The following CCKBR variants were observed in gnomAD, a reference collection of about 807,000 sequenced individuals.
CCKBR encodes gastrin/cholecystokinin type B receptor.
Under a neutral mutation model 34.6 loss-of-function variants are expected in CCKBR, and 33 were observed. The ratio of observed to expected loss-of-function variants is 0.95; its 90% CI spans 0.72 to 1.27. The LOEUF (loss-of-function observed/expected upper bound fraction) is 1.27, where lower values mean the gene tolerates loss of function less well. Among genes scored for constraint, CCKBR ranks in the 50% most tolerant of loss-of-function variants. The pLI is 0.00. For missense variants in CCKBR, 652 were observed against 617.4 expected, an observed-to-expected ratio of 1.06 and a Z score of -0.59; for synonymous variants, 269 against 267.5, an observed-to-expected ratio of 1.01 and a Z score of -0.06.
rs915967567 is a variant in CCKBR, at chr11:6,259,927, C to A, written c.-2C>A. On this transcript the variant is annotated 5_prime_UTR_variant, in exon 1 of 5. Transcript: ENST00000334619. Reference sequence around the variant, plus strand: ...AGTAAGGCGGCGGGCTCGGCGGGGGCCATGGAGCTGCTAAAGCTGAACCGG... The same window carrying A: ...AGTAAGGCGGCGGGCTCGGCGGGGGACATGGAGCTGCTAAAGCTGAACCGG... 1 of 1,445,100 alleles carries A rather than the reference C, an allele frequency of 6.9e-7. No homozygotes were observed. The allele number at this position is 1,445,100 out of a possible 1,614,324, so 89.5% of individuals were successfully genotyped here. A position where few individuals can be genotyped will look rare whatever the true frequency, so the allele number is the denominator to read the frequency against.
intron 3 of CCKBR, 53 bp downstream of exon 3, chr11:6,270,390 G>A: frequency 6.4e-7 from 1 of 1,567,110 alleles, no homozygotes; most frequent in Non-Finnish European, 8.7e-7. Flanking sequence ...CCTATTAGAT[G>A]CTTACGACCA....
At chr11:6,264,518 C>T (rs1400449318) in intron 1 of CCKBR, 1 of 700,222 alleles carries the variant, frequency 1.4e-6, no homozygotes, top group Admixed American at 2.0e-5. Flanking sequence ...AAGAACTGAA[C>T]TGTCCCAATC....
In CCKBR at chr11:6,259,910, G is replaced by T; in HGVS notation, c.-19G>T. The T allele has an allele frequency of 1.4e-6, 2 of 1,427,476 alleles. No individual in the cohort carries two copies. Among genetic ancestry groups the T allele is most frequent in the Non-Finnish European group, 1.8e-6 (2 of 1,093,502 alleles). 88.4% of individuals were successfully genotyped at this position (1,427,476 alleles called of 1,614,324 possible). Reference sequence around the variant, plus strand: ...CCCGCCGGGTCGAGCTGAGTAAGGCGGCGGGCTCGGCGGGGGCCATGGAGC... The same window carrying T: ...CCCGCCGGGTCGAGCTGAGTAAGGCTGCGGGCTCGGCGGGGGCCATGGAGC... On this transcript the variant is annotated 5_prime_UTR_variant, in exon 1 of 5. Transcript: ENST00000334619.
chr11:6,262,398 T>A (rs111694941), intron 1 of CCKBR, among the ~76,000 whole-genome samples: 2,097 of 152,186 alleles, frequency 0.014, 49 homozygotes, highest in African/African-American at 0.047. Context: ...GAGATTCAGA[T>A]GAAACCATCA....
At chr11:6,266,382 A>G (rs1035773798) in intron 1 of CCKBR, among the ~76,000 whole-genome samples, 10 of 152,100 alleles carry the variant, frequency 6.6e-5, no homozygotes, top group African/African-American at 9.7e-5. Flanking sequence ...CTAGCTACTC[A>G]GGAGGCTGAG....
At chr11:6,265,690 A>T (rs2133899085) in intron 1 of CCKBR, among the ~76,000 whole-genome samples, 1 of 151,948 alleles carries the variant, frequency 6.6e-6, no homozygotes, top group East Asian at 1.9e-4. Context: ...ATACACACTT[A>T]CTCCCCTCAA....
At chr11:6,269,638 C>G (rs768552813) in intron 1 of CCKBR, 31 bp from the exon 2 acceptor site, 2 of 1,605,636 alleles carry the variant, frequency 1.2e-6, no homozygotes, top group Middle Eastern at 1.7e-4. Context: ...AGGCTGACCC[C>G]CTACTGCCAC....
chr11:6,260,096 G>C lies in CCKBR; in HGVS notation c.151+17G>C. Reference sequence around the variant, plus strand: ...GGACACGAGGTGGGTGCCTCCCTCAGCCCCCCCCACAAGCTATTTCTCACT... The same window carrying C: ...GGACACGAGGTGGGTGCCTCCCTCACCCCCCCCCACAAGCTATTTCTCACT... On this transcript the variant is annotated intron_variant, in intron 1 of 4. Transcript: ENST00000334619. 2 of 1,567,984 alleles carry C rather than the reference G, an allele frequency of 1.3e-6. No individual in the cohort carries two copies. Among genetic ancestry groups the C allele is most frequent in the East Asian group, 2.4e-5 (1 of 41,270 alleles).
chr11:6,267,001 G>A (rs1202876469), intron 1 of CCKBR, among the ~76,000 whole-genome samples: 3 of 152,138 alleles, frequency 2.0e-5, no homozygotes, highest in Non-Finnish European at 4.4e-5. Flanking sequence ...AAGGTACAGT[G>A]AAAATACAGC....
intron 1 of CCKBR, among the ~76,000 whole-genome samples, chr11:6,262,937 G>A (rs1467787776): frequency 2.0e-5 from 3 of 152,288 alleles, no homozygotes; most frequent in South Asian, 2.1e-4. Context: ...CTGTGAAAGC[G>A]GGATGTGACG....
At position 6,271,656 on chromosome 11, in the gene CCKBR, C is replaced by G. The variant is rs1848320051; in HGVS notation, c.*113C>G. 9.6e-7 allele frequency: 1 copy of G among 1,044,300 alleles called. No homozygotes were observed. The highest frequency in any genetic ancestry group is 1.4e-6 in the Non-Finnish European group (1 of 737,804). The allele number at this position is 1,044,300 out of a possible 1,614,324, so 64.7% of individuals were successfully genotyped here. The stretch of plus-strand genomic sequence containing the variant: ...AGGAAACCAACACCCAAAGCATGGA[C>G]TAACCCCAACGCACAGGAAAAGGTA... On this transcript the variant is annotated 3_prime_UTR_variant, in exon 5 of 5. Coordinates refer to ENST00000334619, the MANE Select transcript of CCKBR (RefSeq NM_176875.4).
intron 1 of CCKBR, chr11:6,264,744 C>CACACACGCACACAT: frequency 2.1e-6 from 1 of 480,870 alleles, no homozygotes; most frequent in Non-Finnish European, 3.7e-6. Context: ...CACACACACA[C>CACACACGCACACAT]GCATACAAGT....
chr11:6,271,589 C>A lies in CCKBR; in HGVS notation c.*46C>A. 2.0e-6 allele frequency: 3 copies of A among 1,505,036 alleles called. No individual in the cohort carries two copies. 93.2% of individuals were successfully genotyped at this position (1,505,036 alleles called of 1,614,324 possible). A position where few individuals can be genotyped will look rare whatever the true frequency, so the allele number is the denominator to read the frequency against. On this transcript the variant is annotated 3_prime_UTR_variant, in exon 5 of 5. Coordinates refer to ENST00000334619, the MANE Select transcript of CCKBR (RefSeq NM_176875.4). Reference sequence around the variant, plus strand: ...GTTGAGGCAGGGCAAATGACATGCACTGACCCTTCCAGACATACGAAACAC... The same window carrying A: ...GTTGAGGCAGGGCAAATGACATGCAATGACCCTTCCAGACATACGAAACAC...
At position 6,271,201 on chromosome 11, in the gene CCKBR, G is replaced by T; in HGVS notation, c.1002G>T (p.Met334Ile). Residue 334 changes from methionine (M) to isoleucine (I), a missense_variant, in exon 5 of 5, where the codon ATG (methionine) becomes ATT (isoleucine). Coordinates refer to ENST00000334619, the MANE Select transcript of CCKBR (RefSeq NM_176875.4). ...TGGCTAAGAAGCGCGTGGTGCGAAT[G>T]TTGCTGGTGATCGTTGTGCTTTTTT... is the stretch of plus-strand genomic sequence containing the variant. ...KLLAKKRVVR[M>I]LLVIVVLFFL... 6.2e-7 allele frequency: 1 copy of T among 1,614,186 alleles called. No individual in the cohort carries two copies. Among genetic ancestry groups the T allele is most frequent in the Non-Finnish European group, 8.5e-7 (1 of 1,180,038 alleles).
At chr11:6,262,915 A>G (rs1848158632) in intron 1 of CCKBR, among the ~76,000 whole-genome samples, 1 of 152,220 alleles carries the variant, frequency 6.6e-6, no homozygotes, top group Admixed American at 6.5e-5. Context: ...GATAGTCAAT[A>G]GAGAAGATTC....
chr11:6,271,063 A>G lies in CCKBR; in HGVS notation c.864A>G (p.Glu288=). The change falls in exon 5 of 5, where the codon GAA becomes GAG. Residue 288 remains glutamate, a synonymous_variant. Transcript: ENST00000334619. ...RCRPETGAVG[E]DSDGCYVQLP... is the part of the protein sequence containing the mutation. ...GGCCTGAGACTGGCGCGGTTGGCGA[A>G]GACAGCGATGGCTGCTACGTGCAAC... 2 of 1,614,192 alleles carry G rather than the reference A, an allele frequency of 1.2e-6. No individual in the cohort carries two copies. Among genetic ancestry groups the G allele is most frequent in the South Asian group, 2.2e-5 (2 of 91,082 alleles).
At chr11:6,262,624 G>A (rs191501430) in intron 1 of CCKBR, among the ~76,000 whole-genome samples, 1 of 151,328 alleles carries the variant, frequency 6.6e-6, no homozygotes, top group African/African-American at 2.4e-5. Flanking sequence ...GTGAGAGAAG[G>A]AGTTATGAGA....
At position 6,271,133 on chromosome 11, in the gene CCKBR, C is replaced by T. The variant is rs1259633736; in HGVS notation, c.934C>T (p.Pro312Ser). Residue 312 changes from proline (P) to serine (S), a missense_variant, in exon 5 of 5, where the codon CCT becomes TCT. Coordinates refer to ENST00000334619, the MANE Select transcript of CCKBR (RefSeq NM_176875.4). ...CCTGGAGCTGACGGCGCTGACGGCT[C>T]CTGGGCCGGGATCCGGCTCCCGGCC... Reference protein sequence around the residue: ...PALELTALTAPGPGSGSRPTQ... With the variant: ...PALELTALTASGPGSGSRPTQ... 1.2e-6 allele frequency: 2 copies of T among 1,614,014 alleles called. No individual in the cohort carries two copies. The highest frequency in any genetic ancestry group is 2.2e-5 in the East Asian group (1 of 44,878).
intron 1 of CCKBR, among the ~76,000 whole-genome samples, chr11:6,260,441 A>C (rs2133892132): frequency 6.6e-6 from 1 of 152,218 alleles, no homozygotes; most frequent in Admixed American, 6.5e-5. Context: ...TCTTACATCC[A>C]GTTCACAGAG....
Sources: gnomAD v4.1 joint callset for allele counts (sites outside exome capture counted in the v4.1 genomes callset) on GRCh38, gnomAD v4.1.1 for gene constraint, MANE v1.5 for transcripts, NCBI Gene and HGNC (gene_info 2026-07-23, HGNC 2026-07-21) for gene names.